Variants in EML6 observed in about 807,000 individuals in gnomAD.
The protein encoded by EML6 is EMAP like 6, also known as echinoderm microtubule-associated protein-like 6.
In EML6, 154 loss-of-function variants were observed where a neutral mutation model predicts 240.1. The observed-to-expected ratio is 0.64, with a 90% CI of 0.56 to 0.73. The LOEUF (loss-of-function observed/expected upper bound fraction) is 0.73. Ranked by LOEUF, EML6 falls within the 30% of genes least tolerant of loss-of-function variation. EML6 has a pLI of 0.00. For missense variants in EML6, 2,964 were observed against 2,474.6 expected, an observed-to-expected ratio of 1.20 and a Z score of -4.20; for synonymous variants, 1,148 against 899.0, an observed-to-expected ratio of 1.28 and a Z score of -4.95.
At position 54,948,931 on chromosome 2, in the gene EML6, A is replaced by G. The variant is rs1298477353; in HGVS notation, c.4054A>G (p.Asn1352Asp). Residue 1352 changes from asparagine to aspartate, a missense_variant, in exon 29 of 42, where the codon AAT (asparagine) becomes GAT (aspartate). Transcript: ENST00000356458. ...CCAGCCTGAGAAACTGCAGAAGAAC[A>G]ATATCACCAAAAAAAAGAAACTGGT... The part of the protein sequence containing the change: ...APQPEKLQKN[N>D]ITKKKKLVEE... 4 of 1,551,536 alleles carry G rather than the reference A, an allele frequency of 2.6e-6. No individual in the cohort carries two copies. The highest frequency in any genetic ancestry group is 3.5e-6 in the Non-Finnish European group (4 of 1,146,938).
intron 2 of EML6, among the ~76,000 whole-genome samples, chr2:54,804,499 T>A (rs2103991034): frequency 6.6e-6 from 1 of 152,364 alleles, no homozygotes; most frequent in East Asian, 1.9e-4. Context: ...TCAGTAGCAA[T>A]TATACTGGTG....
At chr2:54,760,750 C>T (rs1048360351) in intron 2 of EML6, among the ~76,000 whole-genome samples, 4 of 151,218 alleles carry the variant, frequency 2.6e-5, no homozygotes, top group African/African-American at 7.3e-5. Context: ...TCCTGGAATT[C>T]GGAAGATTTC....
intron 2 of EML6, among the ~76,000 whole-genome samples, chr2:54,764,558 T>C (rs1668105837): frequency 6.6e-6 from 1 of 152,230 alleles, no homozygotes; most frequent in South Asian, 2.1e-4. Context: ...TTGCTTACAT[T>C]AATGCTTAGT....
chr2:54,727,428 A>C lies in EML6; in HGVS notation c.197+2170A>C, dbSNP rs142994421. 8.5e-5 allele frequency among the ~76,000 whole-genome samples: 13 copies of C among 152,360 alleles called. No homozygotes were observed. The East Asian group carries it at 2.5e-3, about 29-fold the overall frequency. ...ACAGATTATTATGGAATTAAGAGCT[A>C]TGAAATTGGAATGTTTATGCTGTTC... On this transcript the variant is annotated intron_variant, in intron 2 of 41. Transcript: ENST00000356458.
At chr2:54,763,582 T>G (rs1339817254) in intron 2 of EML6, among the ~76,000 whole-genome samples, 1 of 152,160 alleles carries the variant, frequency 6.6e-6, no homozygotes, top group African/African-American at 2.4e-5. Context: ...TTTGGCTAGG[T>G]GCATTTGTGT....
At chr2:54,903,010 G>A in intron 22 of EML6, 34 bp from the exon 23 acceptor site, 1 of 1,542,904 alleles carries the variant, frequency 6.5e-7, no homozygotes, top group South Asian at 1.2e-5. Context: ...GTGAAGTTTT[G>A]GATAATAAGT....
chr2:54,725,047 C>G lies in EML6; in HGVS notation c.-15C>G. On this transcript the variant is annotated 5_prime_UTR_variant, in exon 2 of 42. Coordinates refer to ENST00000356458, the MANE Select transcript of EML6 (RefSeq NM_001039753.4). The surrounding 1 kb of genome is among the most constrained non-coding windows in gnomAD (Gnocchi z 4.3). ...GGCGCGCGGGGGGGCGGGGGGCGCGCGGGGTCGGCTTATCATGGCGGATCG... is the reference window on the plus strand; with the variant it reads ...GGCGCGCGGGGGGGCGGGGGGCGCGGGGGGTCGGCTTATCATGGCGGATCG... 6.7e-7 allele frequency: 1 copy of G among 1,496,930 alleles called. No homozygotes were observed. Among genetic ancestry groups the G allele is most frequent in the African/African-American group, 1.5e-5 (1 of 68,434 alleles). The allele number at this position is 1,496,930 out of a possible 1,614,324, so 92.7% of individuals were successfully genotyped here.
intron 7 of EML6, among the ~76,000 whole-genome samples, chr2:54,842,952 G>T (rs184358604): frequency 6.6e-6 from 1 of 152,284 alleles, no homozygotes; most frequent in African/African-American, 2.4e-5. Flanking sequence ...AGTTTCATTT[G>T]CATATTTCTG....
At chr2:54,814,945 G>T (rs1668016139) in intron 3 of EML6, among the ~76,000 whole-genome samples, 1 of 152,184 alleles carries the variant, frequency 6.6e-6, no homozygotes, top group African/African-American at 2.4e-5. Flanking sequence ...ATTTGTTCAG[G>T]CTTGCAGTTA....
At chr2:54,874,936 G>A (rs530874076) in intron 16 of EML6, among the ~76,000 whole-genome samples, 5 of 152,180 alleles carry the variant, frequency 3.3e-5, no homozygotes, top group Non-Finnish European at 7.3e-5. Flanking sequence ...TCCATTGTGA[G>A]AGCCACCAGG....
chr2:54,751,501 GAAAA>G (rs371372340), intron 2 of EML6, among the ~76,000 whole-genome samples: 3 of 149,272 alleles, frequency 2.0e-5, no homozygotes, highest in African/African-American at 7.4e-5. Context: ...TCCAGAAAAA[GAAAA>G]AAAAATAGGA....
intron 25 of EML6, among the ~76,000 whole-genome samples, chr2:54,914,636 G>A (rs1350648771): frequency 6.6e-6 from 1 of 152,204 alleles, no homozygotes; most frequent in South Asian, 2.1e-4. Flanking sequence ...GTTGGTTGCA[G>A]AGTCCTTCCA....
chr2:54,882,873 A>AAAAAAAAAAAAGAG (rs796515025), intron 17 of EML6: 1 of 112,350 alleles, frequency 8.9e-6, no homozygotes, highest in Admixed American at 9.3e-5. Context: ...AAAAAAAAAA[A>AAAAAAAAAAAAGAG]AGAAAGCTTA....
intron 8 of EML6, among the ~76,000 whole-genome samples, chr2:54,846,725 C>A (rs1669778976): frequency 1.3e-5 from 2 of 152,076 alleles, no homozygotes; most frequent in Non-Finnish European, 2.9e-5. Context: ...CTCAAGCAAT[C>A]TTCCTGCCTT....
chr2:54,934,978 A>G (rs1346866606), intron 28 of EML6, among the ~76,000 whole-genome samples: 1 of 152,244 alleles, frequency 6.6e-6, no homozygotes, highest in African/African-American at 2.4e-5. Context: ...ATTTTTGGTG[A>G]TAAACTGAGT....
intron 2 of EML6, among the ~76,000 whole-genome samples, chr2:54,743,540 T>G (rs1347443198): frequency 6.6e-6 from 1 of 152,212 alleles, no homozygotes; most frequent in African/African-American, 2.4e-5. Context: ...GACCCAACTT[T>G]GAACCTATTT....
intron 28 of EML6, among the ~76,000 whole-genome samples, chr2:54,932,189 A>C (rs770092383): frequency 4.6e-5 from 7 of 152,206 alleles, no homozygotes; most frequent in Non-Finnish European, 1.0e-4. Context: ...CCAGATATGT[A>C]ATGTCCATGA....
At chr2:54,959,970 G>A (rs995717796) in intron 34 of EML6, among the ~76,000 whole-genome samples, 2 of 152,158 alleles carry the variant, frequency 1.3e-5, no homozygotes, top group Admixed American at 6.5e-5. Context: ...TCCAAATTAC[G>A]TTTTCTTTCC....
chr2:54,862,142 G>C (rs531710174), intron 12 of EML6, among the ~76,000 whole-genome samples: 1 of 151,698 alleles, frequency 6.6e-6, no homozygotes, highest in Non-Finnish European at 1.5e-5. Context: ...TTGAACACCA[G>C]CCTGGCCAAC....
Sources: gnomAD v4.1 joint callset for allele counts (sites outside exome capture counted in the v4.1 genomes callset) on GRCh38, gnomAD v4.1.1 for gene constraint, Gnocchi (gnomAD v3.1) non-coding constraint, MANE v1.5 for transcripts, NCBI Gene and HGNC (gene_info 2026-07-23, HGNC 2026-07-21) for gene names.